The following HIVEP3 variants were observed in gnomAD, a reference collection of about 807,000 sequenced individuals.
HIVEP3 encodes HIVEP zinc finger 3, also known as transcription factor HIVEP3.
A neutral mutation model predicts 152.8 loss-of-function variants in HIVEP3; 49 were observed. The ratio of observed to expected loss-of-function variants is 0.32; its 90% CI spans 0.26 to 0.41. The LOEUF is 0.41. Among genes scored for constraint, HIVEP3 ranks in the 10% least tolerant of loss-of-function variants. The pLI, the probability that HIVEP3 is intolerant of heterozygous loss-of-function variation, is 1.00. For synonymous variants in HIVEP3, 1,269 were observed against 1,289.0 expected, an observed-to-expected ratio of 0.98 and a Z score of 0.33; for missense variants, 2,790 against 3,103.3, an observed-to-expected ratio of 0.90 and a Z score of 2.40.
intron 1 of HIVEP3, among the ~76,000 whole-genome samples, chr1:41,892,286 A>G (rs1644458353): frequency 6.6e-6 from 1 of 152,186 alleles, no homozygotes; most frequent in Admixed American, 6.5e-5. Context: ...TAGGAGTAAA[A>G]CATATTGCTA....
In HIVEP3 at chr1:41,581,003, C is replaced by T. The variant is rs1317260864; in HGVS notation, c.3795G>A (p.Leu1265=). 2 of 1,569,970 alleles carry T rather than the reference C, an allele frequency of 1.3e-6. No homozygotes were observed. The highest frequency in any genetic ancestry group is 2.7e-5 in the African/African-American group (2 of 73,870). ...CAGCACTTCCTGTTGCCAGTGGGGC[C>T]AGGCTGGTTTTGATCTGGGGCAGAT... ...ESHLPQIKTS[L]APLATGSAGL... is the part of the protein sequence containing the mutation. Residue 1265 remains leucine (L), a synonymous_variant, in exon 4 of 9, where the codon CTG becomes CTA. Coordinates refer to ENST00000372583, the MANE Select transcript of HIVEP3 (RefSeq NM_024503.5). The surrounding 1 kb of genome is among the most constrained non-coding windows in gnomAD (Gnocchi z 4.5).
intron 1 of HIVEP3, among the ~76,000 whole-genome samples, chr1:41,822,104 C>T (rs781502543): frequency 6.6e-5 from 10 of 152,310 alleles, no homozygotes; most frequent in Non-Finnish European, 1.3e-4. Flanking sequence ...TGTGTTATGG[C>T]TAGGGCAGTG....
chr1:41,924,780 T>C (rs1644959663), intron 1 of HIVEP3, among the ~76,000 whole-genome samples: 1 of 152,130 alleles, frequency 6.6e-6, no homozygotes, highest in Non-Finnish European at 1.5e-5. Context: ...TTCCAGAGCT[T>C]TTTCTCACTG....
intron 5 of HIVEP3, among the ~76,000 whole-genome samples, chr1:41,553,996 G>T (rs1422092710): frequency 6.6e-6 from 1 of 152,162 alleles, no homozygotes; most frequent in Non-Finnish European, 1.5e-5. Flanking sequence ...TTTTCAAGGA[G>T]TATCTTTGTG....
At chr1:41,548,860 T>C (rs1643865190) in intron 5 of HIVEP3, among the ~76,000 whole-genome samples, 1 of 152,136 alleles carries the variant, frequency 6.6e-6, no homozygotes, top group Non-Finnish European at 1.5e-5. Context: ...ATTTTCCAAC[T>C]CATTATTTTA....
intron 1 of HIVEP3, among the ~76,000 whole-genome samples, chr1:41,792,607 G>A (rs1649765782): frequency 6.6e-6 from 1 of 152,210 alleles, no homozygotes; most frequent in Non-Finnish European, 1.5e-5. Flanking sequence ...AAAGGCCAAG[G>A]AGCATGGAAA....
At chr1:41,858,377 G>A (rs1643827662) in intron 1 of HIVEP3, among the ~76,000 whole-genome samples, 1 of 152,174 alleles carries the variant, frequency 6.6e-6, no homozygotes, top group Non-Finnish European at 1.5e-5. Flanking sequence ...TTCATGCCCT[G>A]TCATTCACAA....
intron 5 of HIVEP3, among the ~76,000 whole-genome samples, chr1:41,575,065 T>G (rs1644306547): frequency 6.6e-6 from 1 of 152,240 alleles, no homozygotes; most frequent in African/African-American, 2.4e-5. Context: ...AAACACCTGG[T>G]GCATACAGTG....
intron 2 of HIVEP3, among the ~76,000 whole-genome samples, chr1:41,646,531 A>G (rs1156863145): frequency 6.6e-6 from 1 of 152,230 alleles, no homozygotes; most frequent in East Asian, 1.9e-4. Context: ...ATGTCTGCAC[A>G]GTGTGCCTGC....
intron 1 of HIVEP3, among the ~76,000 whole-genome samples, chr1:41,810,051 C>T (rs1311756345): frequency 2.0e-5 from 3 of 152,062 alleles, no homozygotes; most frequent in Non-Finnish European, 4.4e-5. Flanking sequence ...ACCTGACTGG[C>T]ATAAAACTTA....
intron 1 of HIVEP3, among the ~76,000 whole-genome samples, chr1:41,886,667 G>T (rs932067630): frequency 1.8e-4 from 25 of 137,144 alleles, no homozygotes; most frequent in African/African-American, 7.0e-4. Context: ...AGCTGAGATC[G>T]CGCCATTGCA....
intron 5 of HIVEP3, among the ~76,000 whole-genome samples, chr1:41,535,290 A>G (rs563878757): frequency 6.6e-6 from 1 of 152,302 alleles, no homozygotes; most frequent in South Asian, 2.1e-4. Flanking sequence ...GCTGGGGTGG[A>G]ACCCCAGGTG....
intron 1 of HIVEP3, among the ~76,000 whole-genome samples, chr1:41,969,822 T>TA (rs1645219399): frequency 6.6e-6 from 1 of 152,164 alleles, no homozygotes; most frequent in African/African-American, 2.4e-5. Flanking sequence ...GACCAAGGTC[T>TA]AATATCCAGA....
intron 1 of HIVEP3, among the ~76,000 whole-genome samples, chr1:41,713,598 T>G (rs914978846): frequency 2.0e-5 from 3 of 152,230 alleles, no homozygotes; most frequent in Admixed American, 6.5e-5. Flanking sequence ...TTGTTTCCAT[T>G]ATGGAATCAT....
intron 5 of HIVEP3, among the ~76,000 whole-genome samples, chr1:41,564,489 C>G (rs750843388): frequency 6.6e-6 from 1 of 152,242 alleles, no homozygotes; most frequent in Non-Finnish European, 1.5e-5. Flanking sequence ...CACACCAAGA[C>G]CCATCACTGT....
intron 6 of HIVEP3, among the ~76,000 whole-genome samples, chr1:41,519,370 A>C (rs1014056732): frequency 2.1e-4 from 32 of 152,308 alleles, no homozygotes; most frequent in African/African-American, 7.5e-4. Flanking sequence ...TCAGTTCCCC[A>C]ACAGGTGCAC....
intron 2 of HIVEP3, among the ~76,000 whole-genome samples, chr1:41,665,810 G>T (rs1255892965): frequency 6.6e-6 from 1 of 150,908 alleles, no homozygotes; most frequent in Non-Finnish European, 1.5e-5. Flanking sequence ...TAGAGCAGAG[G>T]GCAGGTTTGG....
intron 2 of HIVEP3, among the ~76,000 whole-genome samples, chr1:41,674,903 G>A (rs1407975233): frequency 6.6e-6 from 1 of 152,140 alleles, no homozygotes; most frequent in Admixed American, 6.5e-5. Context: ...CACACTTATT[G>A]GAACAGAACA....
At chr1:41,749,395 T>C (rs2124220548) in intron 1 of HIVEP3, among the ~76,000 whole-genome samples, 1 of 140,594 alleles carries the variant, frequency 7.1e-6, no homozygotes, top group South Asian at 2.4e-4. Context: ...TCTGAAACCT[T>C]AGAAAAAATT....
Sources: allele counts gnomAD v4.1 joint callset (sites outside exome capture counted in the v4.1 genomes callset), GRCh38; gene constraint gnomAD v4.1.1; non-coding constraint Gnocchi (gnomAD v3.1); transcripts MANE v1.5; gene names NCBI Gene and HGNC (gene_info 2026-07-23, HGNC 2026-07-21).